RBM26: variants seen among roughly 807,000 people sequenced by gnomAD.
The protein encoded by RBM26 is RNA binding motif protein 26.
RBM26 carries 30 observed loss-of-function variants against 123.6 expected under a neutral mutation model. That is an observed-to-expected ratio of 0.24 (90% CI 0.18 to 0.33). RBM26 has a LOEUF of 0.33. Among genes scored for constraint, RBM26 ranks in the 10% least tolerant of loss-of-function variants. The probability of loss-of-function intolerance (pLI) is 1.00; values close to 1 mark genes in which losing one functional copy is unlikely to be tolerated. For synonymous variants in RBM26, 400 were observed against 404.4 expected (o/e 0.99, Z 0.13); for missense variants, 947 against 1,203.6 (o/e 0.79, Z 3.15).
intron 14 of RBM26, among the ~76,000 whole-genome samples, chr13:79,345,674 T>C (rs1304346619): frequency 3.3e-5 from 5 of 152,104 alleles, no homozygotes; most frequent in Admixed American, 6.5e-5. Context: ...CTAAAGTCCT[T>C]ACAAACCCAA....
intron 5 of RBM26, 85 bp downstream of exon 5, chr13:79,370,860 C>A (rs1171705752): frequency 3.6e-6 from 5 of 1,400,770 alleles, no homozygotes; most frequent in Non-Finnish European, 3.9e-6. Context: ...AAAATGAAGA[C>A]AACACTGACA....
At chr13:79,326,510 C>T (rs757324058) in intron 20 of RBM26, among the ~76,000 whole-genome samples, 34 of 151,932 alleles carry the variant, frequency 2.2e-4, no homozygotes, top group Non-Finnish European at 4.4e-4. Context: ...ATTTGCTTCC[C>T]AATGCAAATG....
At chr13:79,327,450 G>A (rs962852389) in intron 20 of RBM26, among the ~76,000 whole-genome samples, 12 of 151,904 alleles carry the variant, frequency 7.9e-5, no homozygotes, top group Middle Eastern at 3.4e-3. Flanking sequence ...TATTATTATC[G>A]ATGTTTTTAA....
At chr13:79,387,678 T>C (rs1225434479) in intron 1 of RBM26, among the ~76,000 whole-genome samples, 2 of 152,200 alleles carry the variant, frequency 1.3e-5, no homozygotes, top group East Asian at 1.9e-4. Context: ...CAGTAACTTT[T>C]AGTTAACTGA....
chr13:79,337,345 C>T, intron 18 of RBM26, 43 bp from the exon 19 acceptor site: 1 of 1,604,986 alleles, frequency 6.2e-7, no homozygotes, highest in South Asian at 1.1e-5. Context: ...GCTGTGATTA[C>T]TAACACAAGC....
At chr13:79,334,675 G>C (rs1372058376) in intron 19 of RBM26, among the ~76,000 whole-genome samples, 1 of 151,972 alleles carries the variant, frequency 6.6e-6, no homozygotes, top group Non-Finnish European at 1.5e-5. Flanking sequence ...ATACTCAATT[G>C]AACTATGCTT....
chr13:79,404,771 C>A (rs1301369448), intron 1 of RBM26, among the ~76,000 whole-genome samples: 6 of 152,184 alleles, frequency 3.9e-5, no homozygotes, highest in Non-Finnish European at 8.8e-5. Flanking sequence ...AATAGCCCCC[C>A]TCATAATCAC....
intron 1 of RBM26, among the ~76,000 whole-genome samples, chr13:79,382,713 TG>T (rs569237523): frequency 1.3e-5 from 2 of 152,006 alleles, no homozygotes; most frequent in Non-Finnish European, 2.9e-5. Context: ...GTGAAATGGC[TG>T]GGGGGGAAAC....
chr13:79,322,079 T>TA (rs1300570696), intron 21 of RBM26, among the ~76,000 whole-genome samples: 2 of 151,506 alleles, frequency 1.3e-5, no homozygotes, highest in Non-Finnish European at 3.0e-5. Flanking sequence ...TTCCTGTGGA[T>TA]AAAAATCTAA....
intron 1 of RBM26, among the ~76,000 whole-genome samples, chr13:79,382,721 A>G (rs1017424281): frequency 6.6e-6 from 1 of 151,964 alleles, no homozygotes; most frequent in South Asian, 2.1e-4. Flanking sequence ...GCTGGGGGGG[A>G]AACATAAATT....
chr13:79,320,285 A>C lies in RBM26; in HGVS notation c.*336T>G. On this transcript the variant is annotated 3_prime_UTR_variant, in exon 22 of 22. Coordinates refer to ENST00000438737, the MANE Select transcript of RBM26 (RefSeq NM_001366735.2). ...ATTTGGAATAAAACAAAGTCCTCTAAGTTATAACAAGTATTGGTCATAAGT... is the reference window on the plus strand; with the variant it reads ...ATTTGGAATAAAACAAAGTCCTCTACGTTATAACAAGTATTGGTCATAAGT... 2.0e-6 allele frequency: 2 copies of C among 988,134 alleles called. No homozygotes were observed. The highest frequency in any genetic ancestry group is 2.4e-6 in the Non-Finnish European group (2 of 828,602). The allele number at this position is 988,134 out of a possible 1,614,324, so 61.2% of individuals were successfully genotyped here.
chr13:79,339,498 T>C (rs2071018589), intron 18 of RBM26, among the ~76,000 whole-genome samples: 1 of 152,158 alleles, frequency 6.6e-6, no homozygotes, highest in Admixed American at 6.5e-5. Context: ...AACTTACACA[T>C]ATATCAAAAC....
At chr13:79,349,145 T>C (rs982497087) in intron 14 of RBM26, among the ~76,000 whole-genome samples, 1 of 152,222 alleles carries the variant, frequency 6.6e-6, no homozygotes, top group Admixed American at 6.5e-5. Flanking sequence ...ATATATACAC[T>C]GTAAAATGGC....
In RBM26 at chr13:79,319,949, CTT is replaced by C. The variant is rs56071300; in HGVS notation, c.*670_*671del. The C allele has an allele frequency of 0.099, 11,434 of 115,028 alleles. 1 individual carries two copies. Among genetic ancestry groups the C allele is most frequent in the Middle Eastern group, 0.12 (28 of 228 alleles). 7.1% of individuals were successfully genotyped at this position (115,028 alleles called of 1,614,324 possible). A position where few individuals can be genotyped will look rare whatever the true frequency, so the allele number is the denominator to read the frequency against. ...TTTAAATCAAGGAACATTGTCTTGG[CTT>C]TTTTTTTTTTTTTTTTTTTGTCATT... is the stretch of plus-strand genomic sequence containing the variant. On this transcript the variant is annotated 3_prime_UTR_variant, in exon 22 of 22. Coordinates refer to ENST00000438737, the MANE Select transcript of RBM26 (RefSeq NM_001366735.2).
At chr13:79,372,233 C>T (rs1373452935) in intron 3 of RBM26, among the ~76,000 whole-genome samples, 1 of 152,114 alleles carries the variant, frequency 6.6e-6, no homozygotes, top group Non-Finnish European at 1.5e-5. Context: ...GAGCTGAGAT[C>T]GCGCCAGTGC....
At chr13:79,339,328 T>C (rs757373946) in intron 18 of RBM26, among the ~76,000 whole-genome samples, 1 of 152,132 alleles carries the variant, frequency 6.6e-6, no homozygotes, top group Non-Finnish European at 1.5e-5. Flanking sequence ...GAGTAAGTTC[T>C]AGAGATCTAT....
Position 79,405,794 on chromosome 13 carries a change from C to CGTCA in RBM26, c.-24_-21dup, listed in dbSNP as rs1566629056. 3 of 1,498,586 alleles carry CGTCA rather than the reference C, an allele frequency of 2.0e-6. No homozygotes were observed. Among genetic ancestry groups the CGTCA allele is most frequent in the Non-Finnish European group, 9.0e-7 (1 of 1,109,260 alleles). 92.8% of individuals were successfully genotyped at this position (1,498,586 alleles called of 1,614,324 possible). On this transcript the variant is annotated 5_prime_UTR_variant, in exon 1 of 22. Transcript: ENST00000438737. ...AACCATCCACAGCGGCCCTAAGGCC[C>CGTCA]GTCACACTCCTCCGCCCGCCCAGGT...
At chr13:79,316,192 G>GGTGTGTGTGTGTGTGTGTGTGT (rs3064578), downstream of RBM26, among the ~76,000 whole-genome samples, 400 of 142,072 alleles carry the variant, frequency 2.8e-3, no homozygotes, top group African/African-American at 8.8e-3. Flanking sequence ...AAGTGGGGCA[G>GGTGTGTGTGTGTGTGTGTGTGT]GTGTGTGTGT....
At chr13:79,365,833 A>T (rs1370665520) in intron 8 of RBM26, 115 bp from the exon 9 acceptor site, 1 of 980,458 alleles carries the variant, frequency 1.0e-6, no homozygotes, top group Non-Finnish European at 1.5e-6. Flanking sequence ...AACATGCTCT[A>T]TATGTATCAA....
Sources: allele counts gnomAD v4.1 joint callset (sites outside exome capture counted in the v4.1 genomes callset), GRCh38; gene constraint gnomAD v4.1.1; transcripts MANE v1.5; gene names NCBI Gene and HGNC (gene_info 2026-07-23, HGNC 2026-07-21).